Variants in USP33 observed in about 807,000 individuals in gnomAD.
USP33 encodes the protein ubiquitin specific peptidase 33.
USP33 carries 46 observed loss-of-function variants against 124.2 expected under a neutral mutation model. The observed-to-expected ratio is 0.37, with a 90% CI of 0.29 to 0.47. USP33 has a LOEUF of 0.47. Ranked by LOEUF, USP33 falls within the 20% of genes least tolerant of loss-of-function variation. The pLI is 0.99. For synonymous variants in USP33, 350 were observed against 352.3 expected (o/e 0.99, Z 0.07); for missense variants, 851 against 1,070.6 (o/e 0.79, Z 2.86).
chr1:77,738,799 A>C (rs1036425079), intron 5 of USP33, among the ~76,000 whole-genome samples: 1 of 152,192 alleles, frequency 6.6e-6, no homozygotes, highest in Non-Finnish European at 1.5e-5. Context: ...AAAAATCTTT[A>C]ACCCAAAGAC....
At chr1:77,753,438 AAAT>A (rs1680527748) in intron 1 of USP33, among the ~76,000 whole-genome samples, 2 of 152,148 alleles carry the variant, frequency 1.3e-5, no homozygotes, top group Non-Finnish European at 2.9e-5. Flanking sequence ...TACAAAAAAA[AAAT>A]AATAATTTTT....
At chr1:77,729,797 A>T in intron 9 of USP33, 63 bp downstream of exon 9, 2 of 1,545,128 alleles carry the variant, frequency 1.3e-6, no homozygotes, top group Non-Finnish European at 1.8e-6. Flanking sequence ...ACCCAAAAAA[A>T]ACATAATGGC....
chr1:77,724,424 A>T (rs559974342), intron 11 of USP33, among the ~76,000 whole-genome samples: 1 of 152,200 alleles, frequency 6.6e-6, no homozygotes, highest in African/African-American at 2.4e-5. Context: ...TCATGCTTTT[A>T]ATGTCTTTAA....
At chr1:77,720,172 A>G (rs1039278188) in intron 15 of USP33, 5 of 326,936 alleles carry the variant, frequency 1.5e-5, no homozygotes, top group African/African-American at 1.2e-4. Flanking sequence ...AATGAAAAAA[A>G]AAAAAAAAAA....
At chr1:77,758,984 G>A (rs1462660195) in intron 1 of USP33, among the ~76,000 whole-genome samples, 1 of 152,166 alleles carries the variant, frequency 6.6e-6, no homozygotes, top group African/African-American at 2.4e-5. Flanking sequence ...AGAGCTCAAC[G>A]TAAAACCCTG....
chr1:77,720,232 GTTA>G (rs1676437696), intron 15 of USP33: 4 of 557,302 alleles, frequency 7.2e-6, no homozygotes, highest in Admixed American at 6.6e-5. Flanking sequence ...ATAAAGGATG[GTTA>G]TTATTATATA....
chr1:77,744,895 A>G (rs1346829276), intron 1 of USP33, among the ~76,000 whole-genome samples: 2 of 152,220 alleles, frequency 1.3e-5, no homozygotes, highest in Non-Finnish European at 2.9e-5. Context: ...AAGAATGTAT[A>G]TTCTGTTGAT....
At chr1:77,743,037 G>T (rs1570845259) in intron 1 of USP33, among the ~76,000 whole-genome samples, 1 of 152,034 alleles carries the variant, frequency 6.6e-6, no homozygotes, top group Admixed American at 6.6e-5. Context: ...TCACCTCCCA[G>T]GTTCAAGTGA....
chr1:77,724,726 C>T (rs973892481), intron 11 of USP33, among the ~76,000 whole-genome samples: 1 of 152,046 alleles, frequency 6.6e-6, no homozygotes, highest in African/African-American at 2.4e-5. Flanking sequence ...ATTCAAAAGT[C>T]CACCAGTAGG....
chr1:77,749,749 T>C (rs1680114398), intron 1 of USP33, among the ~76,000 whole-genome samples: 1 of 152,174 alleles, frequency 6.6e-6, no homozygotes, highest in Admixed American at 6.5e-5. Context: ...ATTTAAGCTA[T>C]GTATTTTCCT....
intron 18 of USP33, among the ~76,000 whole-genome samples, chr1:77,715,104 A>C (rs558313726): frequency 1.7e-4 from 26 of 152,322 alleles, no homozygotes; most frequent in Admixed American, 3.3e-4. Context: ...CTAAAAAAAA[A>C]CAAATATTTT....
At chr1:77,715,633 GA>G in intron 18 of USP33, 108 bp downstream of exon 18, 1 of 1,298,136 alleles carries the variant, frequency 7.7e-7, no homozygotes, top group Non-Finnish European at 1.1e-6. Context: ...GAAATAGGAG[GA>G]AAACAATTCC....
intron 22 of USP33, among the ~76,000 whole-genome samples, chr1:77,698,852 C>T (rs1365664367): frequency 6.6e-6 from 1 of 152,038 alleles, no homozygotes; most frequent in African/African-American, 2.4e-5. Flanking sequence ...AAATGTACCA[C>T]TAATGCTATA....
intron 5 of USP33, among the ~76,000 whole-genome samples, chr1:77,737,598 G>A (rs1678624957): frequency 6.6e-6 from 1 of 152,116 alleles, no homozygotes; most frequent in Admixed American, 6.6e-5. Flanking sequence ...GTTTTCTTCT[G>A]AATAATTTCT....
chr1:77,741,935 T>C (rs1679169209), intron 1 of USP33, among the ~76,000 whole-genome samples, 187 bp from the exon 2 acceptor site: 1 of 152,202 alleles, frequency 6.6e-6, no homozygotes, highest in Admixed American at 6.5e-5. Context: ...GAATTGAAGT[T>C]AATCTGAACA....
intron 21 of USP33, among the ~76,000 whole-genome samples, chr1:77,710,084 G>A (rs1240518912): frequency 6.6e-6 from 1 of 152,084 alleles, no homozygotes; most frequent in Non-Finnish European, 1.5e-5. Flanking sequence ...TTTCCCATAT[G>A]GAACCAATCG....
In USP33 at chr1:77,718,664, C is replaced by G. The variant is rs200527546; in HGVS notation, c.1692-23G>C. ...AACCTAAGGGGAGAAAAGAGAAAAT[C>G]AATTAGTCTACAAAAAAACTTAGTA... On this transcript the variant is annotated intron_variant, in intron 15 of 23. Coordinates refer to ENST00000370794, the MANE Select transcript of USP33 (RefSeq NM_201624.3). 2.5e-5 allele frequency: 40 copies of G among 1,575,112 alleles called. No individual in the cohort carries two copies. In the Admixed American group the frequency reaches 7.0e-4, roughly 28 times the overall value.
intron 23 of USP33, 83 bp downstream of exon 23, chr1:77,697,780 G>C (rs1673561021): frequency 1.5e-6 from 2 of 1,329,622 alleles, no homozygotes; most frequent in Non-Finnish European, 1.0e-6. Flanking sequence ...GAATAAAAAA[G>C]TACTATAGAT....
At chr1:77,708,818 T>C (rs1557818020) in intron 21 of USP33, among the ~76,000 whole-genome samples, 1 of 152,156 alleles carries the variant, frequency 6.6e-6, no homozygotes, top group South Asian at 2.1e-4. Context: ...TCTAATTGTA[T>C]ACTATTCTGG....
Sources: gnomAD v4.1 joint callset for allele counts (sites outside exome capture counted in the v4.1 genomes callset) on GRCh38, gnomAD v4.1.1 for gene constraint, MANE v1.5 for transcripts, NCBI Gene and HGNC (gene_info 2026-07-23, HGNC 2026-07-21) for gene names.